Variants in NLGN1 observed in about 807,000 individuals in gnomAD.
NLGN1 encodes neuroligin-1.
A neutral mutation model predicts 65.5 loss-of-function variants in NLGN1; 12 were observed. The ratio of observed to expected loss-of-function variants is 0.18; its 90% CI spans 0.12 to 0.30. The LOEUF (loss-of-function observed/expected upper bound fraction) is 0.30, where lower values mean the gene tolerates loss of function less well. Ranked by LOEUF, NLGN1 falls within the 10% of genes least tolerant of loss-of-function variation. The pLI is 1.00. For missense variants in NLGN1, 750 were observed against 1,007.1 expected (o/e 0.74, Z 3.46); for synonymous variants, 350 against 359.5 (o/e 0.97, Z 0.30).
intron 4 of NLGN1, among the ~76,000 whole-genome samples, chr3:173,829,501 A>G (rs1722035107): frequency 6.6e-6 from 1 of 151,968 alleles, no homozygotes; most frequent in Non-Finnish European, 1.5e-5. Flanking sequence ...AGTCAAATTA[A>G]TTAACTCATC....
At chr3:173,681,990 G>A (rs534030270) in intron 3 of NLGN1, among the ~76,000 whole-genome samples, 2 of 152,270 alleles carry the variant, frequency 1.3e-5, no homozygotes, top group African/African-American at 4.8e-5. Flanking sequence ...AATTGACAGT[G>A]TGAGCTTTAT....
At chr3:173,467,248 T>C (rs541687617) in intron 2 of NLGN1, among the ~76,000 whole-genome samples, 1 of 152,216 alleles carries the variant, frequency 6.6e-6, no homozygotes, top group African/African-American at 2.4e-5. Flanking sequence ...GGCAGTACTA[T>C]TTTGTCAAAT....
At chr3:173,576,152 T>C (rs1426561973) in intron 2 of NLGN1, among the ~76,000 whole-genome samples, 2 of 152,142 alleles carry the variant, frequency 1.3e-5, no homozygotes, top group African/African-American at 4.8e-5. Context: ...TTTTGACATA[T>C]TGGGCTACAT....
chr3:173,767,524 A>G (rs1047929422), intron 3 of NLGN1, among the ~76,000 whole-genome samples: 1 of 152,038 alleles, frequency 6.6e-6, no homozygotes, highest in African/African-American at 2.4e-5. Context: ...AATAAATACT[A>G]AATGATCGTA....
intron 2 of NLGN1, among the ~76,000 whole-genome samples, chr3:173,492,094 C>G (rs1238862228): frequency 6.6e-6 from 1 of 151,770 alleles, no homozygotes; most frequent in Non-Finnish European, 1.5e-5. Flanking sequence ...TGGGTTTACT[C>G]TATGTATAAT....
intron 4 of NLGN1, among the ~76,000 whole-genome samples, chr3:173,990,751 G>T (rs751716680): frequency 1.9e-4 from 29 of 151,880 alleles, no homozygotes; most frequent in Middle Eastern, 3.2e-3. Context: ...GCGTAGTTAT[G>T]AATATTCATA....
chr3:173,947,380 C>A (rs1393730931), intron 4 of NLGN1, among the ~76,000 whole-genome samples: 1 of 152,022 alleles, frequency 6.6e-6, no homozygotes, highest in Non-Finnish European at 1.5e-5. Flanking sequence ...ATAATAATGG[C>A]CTGAACATCT....
At chr3:174,139,282 C>T (rs1262779212) in intron 4 of NLGN1, among the ~76,000 whole-genome samples, 1 of 152,126 alleles carries the variant, frequency 6.6e-6, no homozygotes, top group African/African-American at 2.4e-5. Context: ...TACCTTCCTC[C>T]TAATCCCTGG....
chr3:174,156,039 A>G (rs954209754), intron 4 of NLGN1, among the ~76,000 whole-genome samples: 1 of 151,918 alleles, frequency 6.6e-6, no homozygotes, highest in Non-Finnish European at 1.5e-5. Flanking sequence ...TTAAGTACCT[A>G]GGCTGTGAGA....
At chr3:173,599,404 C>CTTTTGTCTCTAGGTCT (rs1750070109) in intron 2 of NLGN1, among the ~76,000 whole-genome samples, 1 of 152,060 alleles carries the variant, frequency 6.6e-6, no homozygotes, top group Non-Finnish European at 1.5e-5. Flanking sequence ...GAAGAATATC[C>CTTTTGTCTCTAGGTCT]TTTTGTCTCT....
At chr3:173,784,862 G>A (rs1781711756) in intron 3 of NLGN1, among the ~76,000 whole-genome samples, 1 of 152,142 alleles carries the variant, frequency 6.6e-6, no homozygotes. Flanking sequence ...ACGCAAATAA[G>A]CATCAGCAAG....
chr3:173,875,959 A>G (rs1265648952), intron 4 of NLGN1, among the ~76,000 whole-genome samples: 2 of 152,174 alleles, frequency 1.3e-5, no homozygotes, highest in African/African-American at 2.4e-5. Context: ...TGGGGTAGAT[A>G]AGAGTTTTAA....
chr3:174,167,592 C>CTTT (rs1561203268), intron 4 of NLGN1, among the ~76,000 whole-genome samples: 18 of 135,708 alleles, frequency 1.3e-4, no homozygotes, highest in African/African-American at 5.9e-4. Flanking sequence ...TGATCTGCCC[C>CTTT]CTTTTTTTTT....
At chr3:173,597,931 A>T (rs193084269) in intron 2 of NLGN1, among the ~76,000 whole-genome samples, 5 of 151,874 alleles carry the variant, frequency 3.3e-5, no homozygotes, top group Admixed American at 3.3e-4. Flanking sequence ...GTTTTCAAAC[A>T]TTTTTTTCTG....
intron 4 of NLGN1, among the ~76,000 whole-genome samples, chr3:174,056,206 A>G (rs1452468146): frequency 2.0e-5 from 3 of 152,014 alleles, no homozygotes; most frequent in Non-Finnish European, 4.4e-5. Context: ...TTCTACAGCT[A>G]TTTATTCAGA....
intron 3 of NLGN1, among the ~76,000 whole-genome samples, chr3:173,720,282 C>T (rs910270748): frequency 9.2e-5 from 14 of 151,930 alleles, no homozygotes; most frequent in African/African-American, 2.9e-4. Context: ...CGGGGGGTGC[C>T]GGCGGGGTGA....
At chr3:173,517,799 T>TATCA (rs905060178) in intron 2 of NLGN1, among the ~76,000 whole-genome samples, 5 of 150,376 alleles carry the variant, frequency 3.3e-5, no homozygotes, top group Admixed American at 6.6e-5. Context: ...TCTATCTATC[T>TATCA]ATCATATCTA....
chr3:173,450,881 C>T (rs537051017), intron 2 of NLGN1, among the ~76,000 whole-genome samples: 144 of 152,260 alleles, frequency 9.5e-4, no homozygotes, highest in Non-Finnish European at 1.6e-3. Context: ...GCATTCGTCA[C>T]GTAGTTCTCA....
At chr3:173,837,648 G>A (rs1578711334) in intron 4 of NLGN1, among the ~76,000 whole-genome samples, 1 of 152,172 alleles carries the variant, frequency 6.6e-6, no homozygotes, top group African/African-American at 2.4e-5. Context: ...TCCACTGTAC[G>A]AGATGGCCTA....
Sources: allele counts gnomAD v4.1 joint callset (sites outside exome capture counted in the v4.1 genomes callset), GRCh38; gene constraint gnomAD v4.1.1; transcripts MANE v1.5; gene names NCBI Gene and HGNC (gene_info 2026-07-23, HGNC 2026-07-21).